Variants in HAVCR2 observed in about 807,000 individuals in gnomAD.
HAVCR2 encodes the protein T cell immunoglobulin mucin 3.
HAVCR2 carries 13 observed loss-of-function variants against 24.7 expected under a neutral mutation model. That is an observed-to-expected ratio of 0.53 (90% CI 0.34 to 0.84). HAVCR2 has a LOEUF of 0.84. Among genes scored for constraint, HAVCR2 ranks in the 40% least tolerant of loss-of-function variants. The pLI, the probability that HAVCR2 is intolerant of heterozygous loss-of-function variation, is 0.01. For missense variants in HAVCR2, 343 were observed against 371.2 expected, an observed-to-expected ratio of 0.92 and a Z score of 0.62; for synonymous variants, 154 against 143.4, an observed-to-expected ratio of 1.07 and a Z score of -0.53.
At chr5:157,098,137 T>C (rs1757119251) in intron 4 of HAVCR2, among the ~76,000 whole-genome samples, 1 of 152,022 alleles carries the variant, frequency 6.6e-6, no homozygotes, top group African/African-American at 2.4e-5. Flanking sequence ...CCAGGTGCCA[T>C]GGCTCACGCC....
chr5:157,101,672 G>A (rs1757168812), intron 3 of HAVCR2, among the ~76,000 whole-genome samples: 1 of 152,076 alleles, frequency 6.6e-6, no homozygotes, highest in Non-Finnish European at 1.5e-5. Context: ...GGACTCACCT[G>A]TGACCCAGTC....
chr5:157,104,745 C>T lies in HAVCR2; in HGVS notation c.399G>A (p.Lys133=), dbSNP rs1757221715. ...TCTGCCGAGTCGGTGCAGGGGTGAC[C>T]TTGGCTAATGTCAGAAACAACATAA... ...FNLKLVIKPA[K]VTPAPTRQRD... Residue 133 remains lysine (K), a synonymous_variant, in exon 3 of 7, where the codon AAG becomes AAA. Transcript: ENST00000307851. 1.3e-6 allele frequency: 2 copies of T among 1,592,080 alleles called. No individual in the cohort carries two copies. The highest frequency in any genetic ancestry group is 2.7e-5 in the African/African-American group (2 of 74,594).
intron 4 of HAVCR2, 91 bp from the exon 5 acceptor site, chr5:157,095,550 TACA>T: frequency 7.1e-7 from 1 of 1,403,666 alleles, no homozygotes; most frequent in Non-Finnish European, 9.9e-7. Context: ...CCATCCCTTT[TACA>T]ACATCACAGG....
rs753502441 is a variant in HAVCR2, at chr5:157,088,953, A to G, written c.701T>C (p.Ile234Thr). Residue 234 changes from isoleucine (I) to threonine (T), a missense_variant, in exon 6 of 7, where the codon ATA (isoleucine) becomes ACA (threonine). Ile to Thr is a moderately conservative substitution (Grantham distance 89). Transcript: ENST00000307851. ...FKWYSHSKEK[I>T]QNLSLISLAN... ...CCATTATTCTTACCTTAAATTCTGT[A>G]TCTTCTCTTTGCTATGAGAATACCC... 26 of 1,609,374 alleles carry G rather than the reference A, an allele frequency of 1.6e-5. No individual in the cohort carries two copies. The highest frequency in any genetic ancestry group is 2.0e-5 in the Non-Finnish European group (24 of 1,177,956).
chr5:157,089,986 T>A (rs1460954811), intron 5 of HAVCR2, among the ~76,000 whole-genome samples: 1 of 152,134 alleles, frequency 6.6e-6, no homozygotes, highest in African/African-American at 2.4e-5. Flanking sequence ...AACTACGTTA[T>A]CTCATCATTT....
intron 4 of HAVCR2, among the ~76,000 whole-genome samples, chr5:157,097,471 G>A (rs1467840818): frequency 6.6e-6 from 1 of 152,040 alleles, no homozygotes; most frequent in Non-Finnish European, 1.5e-5. Flanking sequence ...TGTGGCCCAG[G>A]CTAGTCTCAA....
chr5:157,103,743 C>T (rs1399419070), intron 3 of HAVCR2, among the ~76,000 whole-genome samples: 1 of 152,150 alleles, frequency 6.6e-6, no homozygotes, highest in Non-Finnish European at 1.5e-5. Context: ...CTGGAATTAT[C>T]CTCATTGTAG....
chr5:157,105,673 T>C (rs146123315), intron 2 of HAVCR2, among the ~76,000 whole-genome samples: 38 of 152,308 alleles, frequency 2.5e-4, no homozygotes, highest in African/African-American at 8.4e-4. Flanking sequence ...GAGTTAGATG[T>C]AAACTCAGCT....
At chr5:157,092,536 T>C (rs1172847911) in intron 5 of HAVCR2, among the ~76,000 whole-genome samples, 1 of 151,996 alleles carries the variant, frequency 6.6e-6, no homozygotes, top group Non-Finnish European at 1.5e-5. Flanking sequence ...AACCTCCGCC[T>C]CCTGGGCTCA....
In HAVCR2 at chr5:157,095,433, T is replaced by C; in HGVS notation, c.549A>G (p.Leu183=). Residue 183 remains leucine (L), a synonymous_variant, in exon 5 of 7, where the codon TTA becomes TTG. Coordinates refer to ENST00000307851, the MANE Select transcript of HAVCR2 (RefSeq NM_032782.5). ...LTQISTLANE[L]RDSRLANDLR... is the part of the protein sequence containing the mutation. ...AGTCATTGGCCAATCTAGAGTCCCG[T>C]AACTCATTGGCCAATGTGGATATTT... is the stretch of plus-strand genomic sequence containing the variant. 1 of 1,613,984 alleles carries C rather than the reference T, an allele frequency of 6.2e-7. No individual in the cohort carries two copies. The highest frequency in any genetic ancestry group is 1.1e-5 in the South Asian group (1 of 91,076).
In HAVCR2 at chr5:157,108,060, T is replaced by TA. The variant is rs201812806; in HGVS notation, c.58+865dup. Among the ~76,000 whole-genome samples, 697 of 150,730 alleles carry TA rather than the reference T, an allele frequency of 4.6e-3. 1 individual carries two copies. The highest frequency in any genetic ancestry group is 0.015 in the African/African-American group (611 of 41,176). Reference sequence around the variant, plus strand: ...CCTCAAATGACAAAGTTAATTCCATTAAAAAAAAACTATATATATTTTATA... The same window carrying TA: ...CCTCAAATGACAAAGTTAATTCCATTAAAAAAAAAACTATATATATTTTATA... On this transcript the variant is annotated intron_variant, in intron 1 of 6. Coordinates refer to ENST00000307851, the MANE Select transcript of HAVCR2 (RefSeq NM_032782.5).
intron 5 of HAVCR2, among the ~76,000 whole-genome samples, chr5:157,094,916 C>A (rs1265289156): frequency 6.6e-6 from 1 of 152,098 alleles, no homozygotes; most frequent in African/African-American, 2.4e-5. Context: ...CAAACCTAGA[C>A]ATATTCATGA....
At chr5:157,100,331 A>C (rs1757150423) in intron 3 of HAVCR2, among the ~76,000 whole-genome samples, 2 of 152,168 alleles carry the variant, frequency 1.3e-5, no homozygotes. Flanking sequence ...TCTTAATTAT[A>C]CTGCCTTCAC....
At chr5:157,090,122 C>CTTTTATTTTT (rs1756975109) in intron 5 of HAVCR2, among the ~76,000 whole-genome samples, 1 of 65,576 alleles carries the variant, frequency 1.5e-5, no homozygotes, top group South Asian at 6.3e-4. Context: ...CTTTTCTTTT[C>CTTTTATTTTT]TTTTTTTTTT....
At chr5:157,104,575 A>T in intron 3 of HAVCR2, 91 bp downstream of exon 3, 1 of 893,122 alleles carries the variant, frequency 1.1e-6, no homozygotes, top group Non-Finnish European at 1.8e-6. Flanking sequence ...CTCCACTCTC[A>T]CACTGTTTTC....
chr5:157,098,949 ATAGTT>A (rs748829465), intron 3 of HAVCR2, 48 bp from the exon 4 acceptor site: 4 of 1,548,448 alleles, frequency 2.6e-6, no homozygotes, highest in African/African-American at 2.8e-5. Context: ...AGCCAATAGT[ATAGTT>A]AAGAACGTTT....
At chr5:157,106,433 C>G in intron 2 of HAVCR2, 194 bp downstream of exon 2, 1 of 591,468 alleles carries the variant, frequency 1.7e-6, no homozygotes, top group South Asian at 2.0e-5. Context: ...CCCAGGCACA[C>G]CCATGAGTTT....
intron 5 of HAVCR2, among the ~76,000 whole-genome samples, chr5:157,092,912 A>C (rs1404106379): frequency 2.8e-4 from 32 of 114,586 alleles, no homozygotes; most frequent in Admixed American, 1.1e-3. Flanking sequence ...AAAAAAAAAA[A>C]AAAAAACTAG....
chr5:157,103,697 A>G (rs1757204408), intron 3 of HAVCR2, among the ~76,000 whole-genome samples: 1 of 152,190 alleles, frequency 6.6e-6, no homozygotes. Context: ...ATACATTATC[A>G]TGTTTATACA....
Sources: gnomAD v4.1 joint callset for allele counts (sites outside exome capture counted in the v4.1 genomes callset) on GRCh38, gnomAD v4.1.1 for gene constraint, MANE v1.5 for transcripts, NCBI Gene and HGNC (gene_info 2026-07-23, HGNC 2026-07-21) for gene names.